Variants in SGCD observed in about 807,000 individuals in gnomAD.
SGCD encodes the protein sarcoglycan delta, also known as delta-sarcoglycan.
A neutral mutation model predicts 36.6 loss-of-function variants in SGCD; 18 were observed. The observed-to-expected ratio is 0.49, with a 90% CI of 0.34 to 0.73. SGCD has a LOEUF of 0.73. SGCD is among the 30% of genes least tolerant of loss of function. The probability of loss-of-function intolerance (pLI) is 0.01; values close to 1 mark genes in which losing one functional copy is unlikely to be tolerated. For synonymous variants in SGCD, 133 were observed against 130.6 expected (o/e 1.02, Z -0.12); for missense variants, 387 against 346.7 (o/e 1.12, Z -0.92).
At chr5:155,981,675 C>T (rs2127562279) in intron 1 of SGCD, among the ~76,000 whole-genome samples, 1 of 152,256 alleles carries the variant, frequency 6.6e-6, no homozygotes, top group Non-Finnish European at 1.5e-5. Context: ...ACACAGCATG[C>T]ATTTTCTCCC....
chr5:156,559,924 C>T (rs1019405693), intron 4 of SGCD, among the ~76,000 whole-genome samples: 1 of 152,134 alleles, frequency 6.6e-6, no homozygotes, highest in Non-Finnish European at 1.5e-5. Context: ...TATTTATCAA[C>T]TCTAAGAAGT....
At chr5:156,337,349 C>T (rs1768407961) in intron 2 of SGCD, among the ~76,000 whole-genome samples, 1 of 152,152 alleles carries the variant, frequency 6.6e-6, no homozygotes, top group Admixed American at 6.6e-5. Flanking sequence ...TAAAAACTTA[C>T]TTGATTTGTA....
chr5:156,373,494 C>T, intron 3 of SGCD, among the ~76,000 whole-genome samples: 1 of 152,148 alleles, frequency 6.6e-6, no homozygotes, highest in Non-Finnish European at 1.5e-5. Context: ...TAACAACAGT[C>T]TATTACACAT....
chr5:155,728,569 A>G, the SGCD span, among the ~76,000 whole-genome samples: 1 of 152,108 alleles, frequency 6.6e-6, no homozygotes, highest in East Asian at 1.9e-4. Context: ...TGGGGGCTCT[A>G]AGCAGCGCGA....
At chr5:156,516,635 A>C (rs1018588485) in intron 4 of SGCD, among the ~76,000 whole-genome samples, 2 of 152,146 alleles carry the variant, frequency 1.3e-5, no homozygotes, top group Non-Finnish European at 2.9e-5. Flanking sequence ...GCACCTTTCT[A>C]GCAAGGACAT....
intron 1 of SGCD, among the ~76,000 whole-genome samples, chr5:156,061,461 A>G (rs1343086005): frequency 6.8e-6 from 1 of 146,262 alleles, no homozygotes; most frequent in African/African-American, 2.5e-5. Context: ...TTCATACACT[A>G]TAACTGGTAT....
chr5:156,452,885 C>T (rs1754082696), intron 3 of SGCD, among the ~76,000 whole-genome samples: 1 of 151,814 alleles, frequency 6.6e-6, no homozygotes, highest in Non-Finnish European at 1.5e-5. Context: ...AAGAAAAGAC[C>T]CTAATTAATA....
At chr5:156,406,815 T>TATATATAA (rs1772447775) in intron 3 of SGCD, among the ~76,000 whole-genome samples, 1 of 110,972 alleles carries the variant, frequency 9.0e-6, no homozygotes, top group African/African-American at 3.9e-5. Context: ...TATATATATA[T>TATATATAA]ATATACACAC....
chr5:156,110,421 A>G (rs1447009580), intron 1 of SGCD, among the ~76,000 whole-genome samples: 1 of 152,046 alleles, frequency 6.6e-6, no homozygotes, highest in Non-Finnish European at 1.5e-5. Flanking sequence ...TTGGGTTCGG[A>G]GTCCATAGCA....
rs1466669981 is a variant in SGCD, at chr5:156,647,519, C to A, written c.558C>A (p.Asp186Glu). ...KSIETPNVRA[D>E]PFKELRLESP... ...TAGAAACACCTAATGTCAGGGCAGA[C>A]CCCTTCAAAGAACTAAGGTAAACTT... The change falls in exon 7 of 9, where the codon GAC becomes GAA. Residue 186 changes from aspartate (D) to glutamate (E), a missense_variant. Asp to Glu is a conservative substitution (Grantham distance 45). Transcript: ENST00000337851. 1.9e-6 allele frequency: 3 copies of A among 1,580,744 alleles called. No individual in the cohort carries two copies. The highest frequency in any genetic ancestry group is 3.6e-5 in the Admixed American group (2 of 55,452).
At position 156,759,415 on chromosome 5, in the gene SGCD, T is replaced by C; in HGVS notation, c.*25T>C. The C allele has an allele frequency of 6.4e-7, 1 of 1,558,992 alleles. No individual in the cohort carries two copies. Among genetic ancestry groups the C allele is most frequent in the Non-Finnish European group, 8.7e-7 (1 of 1,148,302 alleles). ...AAAGACTATCCATAGTGGACATTGT[T>C]GGCAGCATAAAGGCCTTTTTTGGCT... On this transcript the variant is annotated 3_prime_UTR_variant, in exon 9 of 9. Coordinates refer to ENST00000337851, the MANE Select transcript of SGCD (RefSeq NM_000337.6).
At chr5:155,742,694 G>T in the SGCD span, among the ~76,000 whole-genome samples, 1 of 152,172 alleles carries the variant, frequency 6.6e-6, no homozygotes, top group Admixed American at 6.5e-5. Flanking sequence ...GATACCAGAT[G>T]GGTGTCCTAT....
At chr5:156,428,004 G>T (rs1326315605) in intron 3 of SGCD, among the ~76,000 whole-genome samples, 3 of 151,882 alleles carry the variant, frequency 2.0e-5, no homozygotes, top group Non-Finnish European at 2.9e-5. Flanking sequence ...TTTCTTTTTG[G>T]TTATGTCCTT....
At chr5:155,859,723 T>G in the SGCD span, among the ~76,000 whole-genome samples, 4 of 152,198 alleles carry the variant, frequency 2.6e-5, no homozygotes, top group African/African-American at 9.6e-5. Flanking sequence ...TAGATGTACC[T>G]TATAGTTGGT....
intron 6 of SGCD, among the ~76,000 whole-genome samples, chr5:156,632,226 C>G (rs1299266198): frequency 6.6e-6 from 1 of 152,056 alleles, no homozygotes; most frequent in African/African-American, 2.4e-5. Context: ...CTAGACCAAA[C>G]ACTCTTTCTA....
the SGCD span, among the ~76,000 whole-genome samples, chr5:155,813,187 T>A: frequency 6.6e-6 from 1 of 151,764 alleles, no homozygotes; most frequent in South Asian, 2.1e-4. Flanking sequence ...ATTGGATAGG[T>A]GAGAGGTATG....
At chr5:155,739,458 G>T in the SGCD span, among the ~76,000 whole-genome samples, 1 of 152,184 alleles carries the variant, frequency 6.6e-6, no homozygotes, top group East Asian at 1.9e-4. Flanking sequence ...TGCTTTAAGG[G>T]TAATGTATAA....
intron 3 of SGCD, among the ~76,000 whole-genome samples, chr5:156,293,093 T>A (rs1212972777): frequency 6.6e-6 from 1 of 151,992 alleles, no homozygotes; most frequent in Non-Finnish European, 1.5e-5. Flanking sequence ...GGGGTCTTTT[T>A]ATGTTGCATA....
chr5:155,744,180 G>A, the SGCD span, among the ~76,000 whole-genome samples: 1 of 152,086 alleles, frequency 6.6e-6, no homozygotes, highest in Non-Finnish European at 1.5e-5. Flanking sequence ...TGAAGGAGCG[G>A]GCCAGGTGTG....
Sources: gnomAD v4.1 joint callset for allele counts (sites outside exome capture counted in the v4.1 genomes callset) on GRCh38, gnomAD v4.1.1 for gene constraint, MANE v1.5 for transcripts, NCBI Gene and HGNC (gene_info 2026-07-23, HGNC 2026-07-21) for gene names.